NUDT9: variants seen among roughly 807,000 people sequenced by gnomAD.
The protein encoded by NUDT9 is nudix hydrolase 9.
Under a neutral mutation model 41.0 loss-of-function variants are expected in NUDT9, and 31 were observed. The ratio of observed to expected loss-of-function variants is 0.76; its 90% CI spans 0.57 to 1.02. The LOEUF (loss-of-function observed/expected upper bound fraction) is 1.02. Ranked by LOEUF, NUDT9 falls within the 50% of genes least tolerant of loss-of-function variation. The pLI is 0.00. For synonymous variants in NUDT9, 146 were observed against 147.6 expected, an observed-to-expected ratio of 0.99 and a Z score of 0.08; for missense variants, 380 against 431.4, an observed-to-expected ratio of 0.88 and a Z score of 1.06.
intron 6 of NUDT9, 61 bp from the exon 7 acceptor site, chr4:87,454,310 A>G (rs757884323): frequency 2.3e-6 from 2 of 865,462 alleles, no homozygotes; most frequent in Non-Finnish European, 3.9e-6. Flanking sequence ...TGAAGGTAAC[A>G]TGCTCTGCTG....
chr4:87,439,116 A>T (rs1722083613), intron 3 of NUDT9, among the ~76,000 whole-genome samples: 2 of 151,516 alleles, frequency 1.3e-5, no homozygotes, highest in African/African-American at 4.9e-5. Context: ...CGGTGGGCTG[A>T]GATTGCGCCA....
intron 2 of NUDT9, among the ~76,000 whole-genome samples, chr4:87,436,360 G>T (rs1721935848): frequency 1.3e-5 from 2 of 152,064 alleles, no homozygotes; most frequent in African/African-American, 4.8e-5. Context: ...ACCCAGGGTG[G>T]AGTGCAGTGG....
At chr4:87,436,134 T>TA (rs1721924188) in intron 2 of NUDT9, among the ~76,000 whole-genome samples, 1 of 151,520 alleles carries the variant, frequency 6.6e-6, no homozygotes, top group Admixed American at 6.6e-5. Context: ...GCTAGGACTA[T>TA]GGGCATGTTC....
intron 1 of NUDT9, among the ~76,000 whole-genome samples, chr4:87,424,800 C>T (rs538133773): frequency 1.3e-5 from 2 of 152,238 alleles, no homozygotes; most frequent in East Asian, 3.9e-4. Context: ...TGTTAGATGC[C>T]AGCAGAACAG....
rs1434545304 is a variant in NUDT9, at chr4:87,457,987, G to T, written c.1019G>T (p.Ser340Ile). ...GCTGAGAAACGAGATGCACACTGGA[G>T]CGAGGACTCTGAAGCTGACTGCCAT... ...LVAEKRDAHWSEDSEADCHAL is the reference protein window; with the variant it reads ...LVAEKRDAHWIEDSEADCHAL Residue 340 changes from serine to isoleucine, a missense_variant, in exon 8 of 8, where the codon AGC becomes ATC. Transcript: ENST00000302174. The T allele has an allele frequency of 1.3e-6, 2 of 1,577,662 alleles. No individual in the cohort carries two copies. Among genetic ancestry groups the T allele is most frequent in the African/African-American group, 2.8e-5 (2 of 72,400 alleles).
chr4:87,423,743 C>A (rs1358636159), intron 1 of NUDT9, among the ~76,000 whole-genome samples: 1 of 152,116 alleles, frequency 6.6e-6, no homozygotes, highest in Non-Finnish European at 1.5e-5. Context: ...GTGATGGGCA[C>A]TGGTTATCTG....
At chr4:87,437,697 T>C (rs1722015107) in intron 2 of NUDT9, among the ~76,000 whole-genome samples, 1 of 152,164 alleles carries the variant, frequency 6.6e-6, no homozygotes, top group South Asian at 2.1e-4. Flanking sequence ...ATTTTACATT[T>C]ACATAGCTCT....
intron 1 of NUDT9, 36 bp downstream of exon 1, chr4:87,423,048 A>T: frequency 1.9e-6 from 3 of 1,538,706 alleles, no homozygotes; most frequent in Non-Finnish European, 2.7e-6. Context: ...CCTTTGCCCT[A>T]GACCTTGAGT....
At chr4:87,441,750 C>A in intron 3 of NUDT9, 79 bp from the exon 4 acceptor site, 2 of 1,116,434 alleles carry the variant, frequency 1.8e-6, no homozygotes, top group Non-Finnish European at 2.7e-6. Context: ...TGCTTATGTT[C>A]TCTTCTTTTG....
intron 4 of NUDT9, among the ~76,000 whole-genome samples, chr4:87,446,750 G>T (rs148836603): frequency 6.6e-6 from 1 of 152,042 alleles, no homozygotes; most frequent in African/African-American, 2.4e-5. Flanking sequence ...ATGTTATAGG[G>T]TTGTTTTGAG....
intron 7 of NUDT9, 35 bp downstream of exon 7, chr4:87,454,490 A>G (rs1480409688): frequency 2.9e-6 from 4 of 1,378,278 alleles, no homozygotes; most frequent in Non-Finnish European, 4.1e-6. Flanking sequence ...CTGGGATTAA[A>G]GGATCAATTT....
rs1202370540 is a variant in NUDT9, at chr4:87,459,127, TCATGTCCTCTGAAAAGA to T, written c.*1111_*1127del. 1 of 152,198 alleles carries T rather than the reference TCATGTCCTCTGAAAAGA, an allele frequency of 6.6e-6. No individual in the cohort carries two copies. The highest frequency in any genetic ancestry group is 1.5e-5 in the Non-Finnish European group (1 of 68,036). 9.4% of individuals were successfully genotyped at this position (152,198 alleles called of 1,614,324 possible). On this transcript the variant is annotated 3_prime_UTR_variant, in exon 8 of 8. Coordinates refer to ENST00000302174, the MANE Select transcript of NUDT9 (RefSeq NM_024047.5). The stretch of plus-strand genomic sequence containing the variant: ...TATGCAGCCGTAAAAAAGAATAAGA[TCATGTCCTCTGAAAAGA>T]CATGGGTGGAGCTGGAGGCCATTAT...
intron 6 of NUDT9, among the ~76,000 whole-genome samples, chr4:87,453,566 A>G (rs1454777520): frequency 6.6e-6 from 1 of 151,760 alleles, no homozygotes; most frequent in Non-Finnish European, 1.5e-5. Flanking sequence ...AGTAGCTGGG[A>G]CTACAGGTGT....
chr4:87,430,220 G>C (rs1721622672), intron 1 of NUDT9, among the ~76,000 whole-genome samples: 1 of 152,214 alleles, frequency 6.6e-6, no homozygotes, highest in Admixed American at 6.5e-5. Flanking sequence ...ATTCCCTCTA[G>C]AAGCTGGGAA....
intron 7 of NUDT9, among the ~76,000 whole-genome samples, chr4:87,455,136 A>G (rs1369567993): frequency 2.0e-5 from 3 of 152,224 alleles, no homozygotes; most frequent in Non-Finnish European, 4.4e-5. Flanking sequence ...AAATGAAATG[A>G]ATGTTCCACT....
chr4:87,424,402 G>GGC (rs1721313051), intron 1 of NUDT9, among the ~76,000 whole-genome samples: 1 of 151,858 alleles, frequency 6.6e-6, no homozygotes, highest in Non-Finnish European at 1.5e-5. Context: ...TGAGATTACT[G>GGC]GCGCGCGCAC....
At chr4:87,451,770 T>C (rs958774631) in intron 6 of NUDT9, 35 bp downstream of exon 6, 7 of 1,569,804 alleles carry the variant, frequency 4.5e-6, no homozygotes, top group Non-Finnish European at 6.1e-6. Context: ...GATTTAGTTC[T>C]GTGGATTGAT....
In NUDT9 at chr4:87,459,022, C is replaced by T. The variant is rs747347892; in HGVS notation, c.*1001C>T. On this transcript the variant is annotated 3_prime_UTR_variant, in exon 8 of 8. Transcript: ENST00000302174. ...TTCATTGCTGCACTATTCACAATAG[C>T]GAAGACATGAAATCAACCTAAATGT... 3.3e-5 allele frequency: 5 copies of T among 152,046 alleles called. No individual in the cohort carries two copies. Among genetic ancestry groups the T allele is most frequent in the Admixed American group, 1.3e-4 (2 of 15,264 alleles). The allele number at this position is 152,046 out of a possible 1,614,324, so 9.4% of individuals were successfully genotyped here.
intron 4 of NUDT9, among the ~76,000 whole-genome samples, chr4:87,445,888 C>T (rs543366997): frequency 6.6e-6 from 1 of 151,898 alleles, no homozygotes; most frequent in African/African-American, 2.4e-5. Flanking sequence ...ATGCAAGCTG[C>T]TGATCATCTC....
Sources: allele counts gnomAD v4.1 joint callset (sites outside exome capture counted in the v4.1 genomes callset), GRCh38; gene constraint gnomAD v4.1.1; transcripts MANE v1.5; gene names NCBI Gene and HGNC (gene_info 2026-07-23, HGNC 2026-07-21).